The following CACNA1C variants were observed in gnomAD, a reference collection of about 807,000 sequenced individuals.
CACNA1C encodes the protein voltage-dependent L-type calcium channel subunit alpha-1C.
In CACNA1C, 30 loss-of-function variants were observed where a neutral mutation model predicts 229.0. The ratio of observed to expected loss-of-function variants is 0.13; its 90% confidence interval spans 0.10 to 0.18. CACNA1C has a LOEUF of 0.18. Ranked by LOEUF, CACNA1C falls within the 10% of genes least tolerant of loss-of-function variation. The pLI is 1.00. For synonymous variants in CACNA1C, 1,114 were observed against 1,132.5 expected (o/e 0.98, Z 0.33); for missense variants, 1,658 against 2,845.0 (o/e 0.58, Z 9.49).
At chr12:2,107,992 T>C (rs931470972) in intron 1 of CACNA1C, among the ~76,000 whole-genome samples, 7 of 152,208 alleles carry the variant, frequency 4.6e-5, no homozygotes, top group African/African-American at 1.7e-4. Flanking sequence ...TTAAGTAAAA[T>C]GCAAAATGCA....
rs972800464 is a variant in CACNA1C at position 2,489,712 on chromosome 12, T to A, written c.916+3450T>A. On this transcript the variant is annotated intron_variant, in intron 6 of 46. Transcript: ENST00000399655. ...TGTCTTCAGTGATTTCTCCTTGGAATCACTAACTGGAGCTCTCCCAGGATT... is the reference window on the plus strand; with the variant it reads ...TGTCTTCAGTGATTTCTCCTTGGAAACACTAACTGGAGCTCTCCCAGGATT... Among the ~76,000 whole-genome samples the A allele has an allele frequency of 2.0e-5, 3 of 152,240 alleles. 1 individual carries two copies. The highest frequency in any genetic ancestry group is 2.9e-5 in the Non-Finnish European group (2 of 68,048).
At chr12:2,441,370 T>A (rs2099224449) in intron 3 of CACNA1C, among the ~76,000 whole-genome samples, 1 of 152,174 alleles carries the variant, frequency 6.6e-6, no homozygotes, top group South Asian at 2.1e-4. Flanking sequence ...TCCCAAGAGA[T>A]CTACCCTGGC....
chr12:2,571,526 G>T (rs1037481079), intron 13 of CACNA1C, among the ~76,000 whole-genome samples: 4 of 152,124 alleles, frequency 2.6e-5, no homozygotes, highest in African/African-American at 4.8e-5. Context: ...ATCTTGAAAA[G>T]ATTTAACATT....
rs890584962 is a variant in CACNA1C, at chr12:2,029,988, G to A, written c.139+58787G>A. On this transcript the variant is annotated intron_variant, in intron 1 of 46. Transcript: ENST00000682462. The surrounding 1 kb of genome is among the most constrained non-coding windows in gnomAD (Gnocchi z 4.9). ...TGTTGCACAGAGCCCACATGGCAGT[G>A]GAGAGGCTATCTCTTATCAGCACCT... is the stretch of plus-strand genomic sequence containing the variant. Among the ~76,000 whole-genome samples the A allele has an allele frequency of 5.9e-5, 9 of 152,208 alleles. No homozygotes were observed. The highest frequency in any genetic ancestry group is 7.3e-5 in the Non-Finnish European group (5 of 68,036).
intron 3 of CACNA1C, among the ~76,000 whole-genome samples, chr12:2,325,665 T>C (rs542340087): frequency 6.6e-6 from 1 of 152,366 alleles, no homozygotes; most frequent in South Asian, 2.1e-4. Context: ...TCAATAAATA[T>C]GAGTTTCCTT....
At chr12:2,171,989 C>G (rs2096500053) in intron 3 of CACNA1C, among the ~76,000 whole-genome samples, 1 of 152,166 alleles carries the variant, frequency 6.6e-6, no homozygotes, top group South Asian at 2.1e-4. Flanking sequence ...TATGGGAGGA[C>G]AGAGACCAGT....
intron 3 of CACNA1C, among the ~76,000 whole-genome samples, chr12:2,391,164 G>A (rs995933292): frequency 3.3e-5 from 5 of 152,198 alleles, no homozygotes; most frequent in African/African-American, 1.2e-4. Flanking sequence ...TCCCTTCATT[G>A]AGACAGGGAG....
chr12:2,378,126 A>G (rs2098127976), intron 3 of CACNA1C, among the ~76,000 whole-genome samples: 1 of 152,208 alleles, frequency 6.6e-6, no homozygotes, highest in Admixed American at 6.5e-5. Flanking sequence ...AGTTTCTTCC[A>G]GTAATAATGA....
chr12:2,068,206 C>T (rs1057028234), intron 1 of CACNA1C, among the ~76,000 whole-genome samples: 3 of 152,180 alleles, frequency 2.0e-5, no homozygotes, highest in African/African-American at 7.2e-5. Context: ...TCCTTGAATG[C>T]CATGGAAATA....
intron 3 of CACNA1C, among the ~76,000 whole-genome samples, chr12:2,374,144 G>A (rs184741795): frequency 1.3e-5 from 2 of 152,240 alleles, no homozygotes; most frequent in East Asian, 1.9e-4. Context: ...GTCTTCCCAC[G>A]TGCACGTTTA....
intron 13 of CACNA1C, among the ~76,000 whole-genome samples, chr12:2,573,148 C>G (rs1391526093): frequency 4.6e-5 from 7 of 152,156 alleles, no homozygotes; most frequent in African/African-American, 1.7e-4. Context: ...CTCCTGGGCT[C>G]AAGTGATACT....
chr12:2,060,368 C>T (rs2057003147), intron 1 of CACNA1C, among the ~76,000 whole-genome samples: 1 of 152,152 alleles, frequency 6.6e-6, no homozygotes, highest in African/African-American at 2.4e-5. Context: ...GCTGGGCGAC[C>T]AAGGGCGTCT....
At chr12:2,491,633 AAGGAGG>A (rs567691310) in intron 6 of CACNA1C, among the ~76,000 whole-genome samples, 1,654 of 149,434 alleles carry the variant, frequency 0.011, 31 homozygotes, top group African/African-American at 0.039. Flanking sequence ...AGAGGAGAAG[AAGGAGG>A]AGGAGGAGGA....
intron 4 of CACNA1C, among the ~76,000 whole-genome samples, chr12:2,450,445 T>A (rs2099354931): frequency 6.8e-6 from 1 of 146,308 alleles, no homozygotes; most frequent in Non-Finnish European, 1.5e-5. Context: ...TCCCAGCTAC[T>A]CGGGAGGCTG....
intron 3 of CACNA1C, among the ~76,000 whole-genome samples, chr12:2,295,550 G>A (rs2093959115): frequency 1.3e-5 from 2 of 152,192 alleles, no homozygotes; most frequent in Admixed American, 1.3e-4. Context: ...CAGCCATTCA[G>A]TGAATGTGTA....
intron 3 of CACNA1C, among the ~76,000 whole-genome samples, chr12:2,171,250 G>T (rs1025911633): frequency 1.3e-5 from 2 of 152,198 alleles, no homozygotes; most frequent in Non-Finnish European, 2.9e-5. Flanking sequence ...AACAGGACTT[G>T]CCTTGGAACT....
intron 3 of CACNA1C, among the ~76,000 whole-genome samples, chr12:2,185,629 A>G (rs2096975660): frequency 1.3e-5 from 2 of 152,254 alleles, no homozygotes; most frequent in Non-Finnish European, 2.9e-5. Context: ...TGGGGAGAAG[A>G]GGGGCAACTG....
chr12:2,677,337 A>T lies in CACNA1C; in HGVS notation c.4956+116A>T. ...TGGAGGCCAGGTCCCTGCAGAGGGA[A>T]CCTTTCAGAGAGCTCCAGACCTTTC... is the stretch of plus-strand genomic sequence containing the variant. On this transcript the variant is annotated intron_variant, in intron 40 of 46. Coordinates refer to ENST00000399655, the MANE Select transcript of CACNA1C (RefSeq NM_000719.7). The surrounding 1 kb of genome is among the most constrained non-coding windows in gnomAD (Gnocchi z 7.4). The T allele has an allele frequency of 8.4e-7, 1 of 1,187,040 alleles. No individual in the cohort carries two copies. The highest frequency in any genetic ancestry group is 1.2e-6 in the Non-Finnish European group (1 of 855,246). The allele number at this position is 1,187,040 out of a possible 1,614,324, so 73.5% of individuals were successfully genotyped here.
chr12:2,389,671 C>A (rs1000958347), intron 3 of CACNA1C, among the ~76,000 whole-genome samples: 5 of 152,176 alleles, frequency 3.3e-5, no homozygotes, highest in African/African-American at 1.2e-4. Context: ...CCATTGCCTC[C>A]TAATTGTCTA....
Sources: allele counts gnomAD v4.1 joint callset (sites outside exome capture counted in the v4.1 genomes callset), GRCh38; gene constraint gnomAD v4.1.1; non-coding constraint Gnocchi (gnomAD v3.1); transcripts MANE v1.5; gene names NCBI Gene and HGNC (gene_info 2026-07-23, HGNC 2026-07-21).